Variants in TYR observed in about 807,000 individuals in gnomAD.
TYR encodes the protein tyrosinase, also known as LB24-AB.
A neutral mutation model predicts 51.5 loss-of-function variants in TYR; 58 were observed. The observed-to-expected ratio is 1.13, with a 90% CI of 0.91 to 1.40. The LOEUF (loss-of-function observed/expected upper bound fraction) is 1.40. Among genes scored for constraint, TYR ranks in the 40% most tolerant of loss-of-function variants. The probability of loss-of-function intolerance (pLI) is 0.00; values close to 1 mark genes in which losing one functional copy is unlikely to be tolerated. For synonymous variants in TYR, 263 were observed against 235.2 expected (o/e 1.12, Z -1.08); for missense variants, 732 against 647.4 (o/e 1.13, Z -1.42).
intron 2 of TYR, among the ~76,000 whole-genome samples, chr11:89,204,532 T>C (rs958135665): frequency 3.3e-5 from 5 of 151,818 alleles, no homozygotes; most frequent in African/African-American, 9.7e-5. Flanking sequence ...GTAGCTCAGA[T>C]TGCAGGTGCC....
intron 3 of TYR, among the ~76,000 whole-genome samples, chr11:89,263,312 C>G (rs990074137): frequency 6.6e-6 from 1 of 151,574 alleles, no homozygotes; most frequent in Non-Finnish European, 1.5e-5. Flanking sequence ...ATTTAAAAAA[C>G]AAACATGCAT....
At chr11:89,256,367 TA>T (rs1001027678) in intron 3 of TYR, among the ~76,000 whole-genome samples, 5 of 151,548 alleles carry the variant, frequency 3.3e-5, no homozygotes, top group East Asian at 1.9e-4. Context: ...AACTTTGTAT[TA>T]AAAAAAATCA....
chr11:89,211,359 C>T (rs1943753105), intron 2 of TYR, among the ~76,000 whole-genome samples: 1 of 152,052 alleles, frequency 6.6e-6, no homozygotes, highest in Admixed American at 6.6e-5. Context: ...AAAAGAAGGC[C>T]ATTACATAAT....
intron 3 of TYR, among the ~76,000 whole-genome samples, chr11:89,277,339 G>C (rs1163598089): frequency 2.0e-5 from 3 of 151,712 alleles, no homozygotes; most frequent in African/African-American, 4.8e-5. Flanking sequence ...CGTGTGGCTG[G>C]AGGCATCGCA....
chr11:89,225,265 C>T (rs1943962843), intron 2 of TYR, among the ~76,000 whole-genome samples: 2 of 151,978 alleles, frequency 1.3e-5, no homozygotes, highest in East Asian at 1.9e-4. Context: ...ACCTCACATA[C>T]TTATTTGAGT....
intron 3 of TYR, among the ~76,000 whole-genome samples, chr11:89,247,059 C>G (rs1199306670): frequency 6.6e-6 from 1 of 152,176 alleles, no homozygotes; most frequent in Non-Finnish European, 1.5e-5. Context: ...GATTTGTTCT[C>G]TAAAGCAGAA....
chr11:89,295,156 T>A lies in TYR; in HGVS notation c.1380T>A (p.Phe460Leu). 3.1e-6 allele frequency: 5 copies of A among 1,613,980 alleles called. No homozygotes were observed. The highest frequency in any genetic ancestry group is 4.2e-6 in the Non-Finnish European group (5 of 1,179,866). Residue 460 changes from phenylalanine to leucine, a missense_variant, in exon 5 of 5, where the codon TTT (phenylalanine) becomes TTA (leucine). By Grantham distance (22) the Phe-to-Leu change is conservative. Transcript: ENST00000263321. ...SYLQDSDPDS[F>L]QDYIKSYLEQ... is the part of the protein sequence containing the mutation. ...TTTTTATTTCAGACCCAGACTCTTT[T>A]CAAGACTACATTAAGTCCTATTTGG...
chr11:89,236,724 T>C (rs977628002), intron 3 of TYR, among the ~76,000 whole-genome samples: 1 of 152,182 alleles, frequency 6.6e-6, no homozygotes, highest in African/African-American at 2.4e-5. Context: ...TGGCAAACTA[T>C]GTACTGAGTG....
intron 2 of TYR, among the ~76,000 whole-genome samples, chr11:89,207,524 G>C (rs1007766489): frequency 2.6e-5 from 4 of 152,054 alleles, no homozygotes; most frequent in Non-Finnish European, 5.9e-5. Context: ...TTTTCCTTGA[G>C]AATCAACCAG....
rs371854056 is a variant in TYR at position 89,251,980 on chromosome 11, G to T, written c.1184+24010G>T. Among the ~76,000 whole-genome samples the T allele has an allele frequency of 2.8e-4, 43 of 151,940 alleles. 1 individual carries two copies. The highest frequency in any genetic ancestry group is 1.7e-3 in the East Asian group (9 of 5,176). On this transcript the variant is annotated intron_variant, in intron 3 of 4. Coordinates refer to ENST00000263321, the MANE Select transcript of TYR (RefSeq NM_000372.5). Reference sequence around the variant, plus strand: ...ACTGTAGTAGTGTCACTCTTAAGTTGCGTCGCCTTCAGTTATGCCATCCCC... The same window carrying T: ...ACTGTAGTAGTGTCACTCTTAAGTTTCGTCGCCTTCAGTTATGCCATCCCC...
intron 3 of TYR, among the ~76,000 whole-genome samples, chr11:89,273,410 G>A (rs1054811880): frequency 6.6e-6 from 1 of 151,856 alleles, no homozygotes; most frequent in Admixed American, 6.6e-5. Flanking sequence ...GGCAGGTGGA[G>A]CAGTCAGAAC....
intron 3 of TYR, among the ~76,000 whole-genome samples, chr11:89,276,778 A>G (rs1373378009): frequency 1.3e-5 from 2 of 151,830 alleles, no homozygotes; most frequent in African/African-American, 4.8e-5. Context: ...AAGCATATGC[A>G]TACTTGCAAC....
chr11:89,285,410 T>C (rs1383497341), intron 4 of TYR, among the ~76,000 whole-genome samples: 1 of 151,746 alleles, frequency 6.6e-6, no homozygotes. Flanking sequence ...GGAATCATTT[T>C]TGGAAGTTTC....
intron 1 of TYR, among the ~76,000 whole-genome samples, chr11:89,183,579 T>G (rs1317369069): frequency 6.6e-6 from 1 of 152,074 alleles, no homozygotes; most frequent in Non-Finnish European, 1.5e-5. Flanking sequence ...CTTACTTAGC[T>G]ACAAGACCCT....
At chr11:89,181,150 G>A (rs1943295293) in intron 1 of TYR, among the ~76,000 whole-genome samples, 1 of 151,976 alleles carries the variant, frequency 6.6e-6, no homozygotes, top group Admixed American at 6.6e-5. Context: ...TAGTAGCTGG[G>A]ACTACAGGGG....
intron 2 of TYR, among the ~76,000 whole-genome samples, chr11:89,210,650 C>A (rs61138184): frequency 0.17 from 25,684 of 151,964 alleles, 2,619 homozygotes; most frequent in African/African-American, 0.29. Context: ...AGAGCAACCC[C>A]AAGACACATA....
At chr11:89,213,989 C>G (rs995298918) in intron 2 of TYR, among the ~76,000 whole-genome samples, 2 of 152,166 alleles carry the variant, frequency 1.3e-5, no homozygotes, top group Non-Finnish European at 2.9e-5. Context: ...CATAAAAACC[C>G]TGGAAGAAAA....
intron 3 of TYR, among the ~76,000 whole-genome samples, chr11:89,235,799 T>C (rs942084381): frequency 2.6e-5 from 4 of 152,108 alleles, no homozygotes; most frequent in Non-Finnish European, 1.5e-5. Flanking sequence ...TAATGATATA[T>C]TGTATCTTTT....
At chr11:89,264,255 A>C (rs950349740) in intron 3 of TYR, among the ~76,000 whole-genome samples, 2 of 152,092 alleles carry the variant, frequency 1.3e-5, no homozygotes, top group Admixed American at 6.6e-5. Context: ...AGATACAAAT[A>C]GAACTGCTCT....
Sources: gnomAD v4.1 joint callset for allele counts (sites outside exome capture counted in the v4.1 genomes callset) on GRCh38, gnomAD v4.1.1 for gene constraint, MANE v1.5 for transcripts, NCBI Gene and HGNC (gene_info 2026-07-23, HGNC 2026-07-21) for gene names.